Variants in VTI1A observed in about 807,000 individuals in gnomAD.
VTI1A encodes the protein vesicle transport through interaction with t-SNAREs 1A.
In VTI1A, 22 loss-of-function variants were observed where a neutral mutation model predicts 34.9. The ratio of observed to expected loss-of-function variants is 0.63; its 90% CI spans 0.45 to 0.90. The LOEUF (loss-of-function observed/expected upper bound fraction) is 0.90, where lower values mean the gene tolerates loss of function less well. Ranked by LOEUF, VTI1A falls within the 40% of genes least tolerant of loss-of-function variation. The pLI, the probability that VTI1A is intolerant of heterozygous loss-of-function variation, is 0.00. For missense variants in VTI1A, 268 were observed against 275.6 expected, an observed-to-expected ratio of 0.97 and a Z score of 0.20; for synonymous variants, 87 against 97.3, an observed-to-expected ratio of 0.89 and a Z score of 0.62.
At chr10:112,769,000 G>T (rs1469360224) in intron 7 of VTI1A, among the ~76,000 whole-genome samples, 2 of 151,758 alleles carry the variant, frequency 1.3e-5, no homozygotes, top group Non-Finnish European at 2.9e-5. Flanking sequence ...AAGTTTTTTT[G>T]GTTTTGTTTT....
At chr10:112,498,107 A>G (rs756089676) in intron 3 of VTI1A, among the ~76,000 whole-genome samples, 3 of 152,178 alleles carry the variant, frequency 2.0e-5, no homozygotes, top group South Asian at 2.1e-4. Context: ...TATGTCCTAC[A>G]TATAAATGCT....
intron 5 of VTI1A, among the ~76,000 whole-genome samples, chr10:112,561,705 A>C (rs1851730363): frequency 6.6e-6 from 1 of 152,176 alleles, no homozygotes; most frequent in Admixed American, 6.5e-5. Context: ...AAATTCTAGA[A>C]TAATATAGGA....
chr10:112,516,320 A>G (rs1469018244), intron 3 of VTI1A, among the ~76,000 whole-genome samples: 2 of 152,090 alleles, frequency 1.3e-5, no homozygotes, highest in Admixed American at 6.6e-5. Flanking sequence ...ATATGCCTAT[A>G]TTTGAAATTA....
intron 5 of VTI1A, among the ~76,000 whole-genome samples, chr10:112,604,811 C>A (rs1845013416): frequency 6.6e-6 from 1 of 152,114 alleles, no homozygotes; most frequent in South Asian, 2.1e-4. Flanking sequence ...AGGCACATTT[C>A]TTGGTGTACA....
Position 112,546,015 on chromosome 10 carries a change from T to TATATACGTGTATACGCGTATGTGTGTGC in VTI1A, c.427+7712_427+7713insCATATACGTGTATACGCGTATGTGTGTG, listed in dbSNP as rs1851084811. ...ATACGTGTATACGCGTATGTGTGTG[T>TATATACGTGTATACGCGTATGTGTGTGC]ATATACGTGTATACGCGTATGTGTG... On this transcript the variant is annotated intron_variant, in intron 5 of 7. Transcript: ENST00000393077. Among the ~76,000 whole-genome samples the TATATACGTGTATACGCGTATGTGTGTGC allele has an allele frequency of 2.9e-5, 4 of 135,612 alleles. No individual in the cohort carries two copies. In the South Asian group the frequency reaches 6.9e-4, roughly 23 times the overall value. The allele number at this position is 135,612 out of a possible 152,430, so 89.0% of individuals were successfully genotyped here.
intron 7 of VTI1A, among the ~76,000 whole-genome samples, chr10:112,701,670 T>C (rs182335171): frequency 6.6e-6 from 1 of 152,322 alleles, no homozygotes; most frequent in East Asian, 1.9e-4. Context: ...GAAGTGAGAT[T>C]ATACTTGATT....
At chr10:112,457,248 G>A (rs940184722) in intron 1 of VTI1A, among the ~76,000 whole-genome samples, 4 of 152,188 alleles carry the variant, frequency 2.6e-5, no homozygotes, top group African/African-American at 4.8e-5. Context: ...GGGAGAGGGG[G>A]CAGGGAGACC....
At chr10:112,671,454 A>G (rs1847842179) in intron 7 of VTI1A, among the ~76,000 whole-genome samples, 1 of 152,224 alleles carries the variant, frequency 6.6e-6, no homozygotes, top group Non-Finnish European at 1.5e-5. Flanking sequence ...TTATTTTCAT[A>G]TGATAAATTC....
At chr10:112,811,931 T>G (rs933575514) in intron 7 of VTI1A, among the ~76,000 whole-genome samples, 1 of 152,192 alleles carries the variant, frequency 6.6e-6, no homozygotes, top group Admixed American at 6.5e-5. Context: ...AATGGAAAGA[T>G]TAACCGCTCC....
intron 3 of VTI1A, among the ~76,000 whole-genome samples, chr10:112,466,699 G>A (rs1847906914): frequency 6.6e-6 from 1 of 152,092 alleles, no homozygotes; most frequent in African/African-American, 2.4e-5. Flanking sequence ...CATTTTTAAT[G>A]GAACTCTTTT....
chr10:112,630,575 A>C (rs976695396), intron 5 of VTI1A, among the ~76,000 whole-genome samples: 10 of 152,302 alleles, frequency 6.6e-5, no homozygotes, highest in African/African-American at 2.4e-4. Flanking sequence ...ATTGGCTATA[A>C]CTGTATAGTA....
At chr10:112,813,195 T>G (rs1281297824) in intron 7 of VTI1A, among the ~76,000 whole-genome samples, 2 of 152,116 alleles carry the variant, frequency 1.3e-5, no homozygotes, top group African/African-American at 4.8e-5. Flanking sequence ...TGAAGCCCAA[T>G]TAGGAAGGTT....
intron 4 of VTI1A, chr10:112,527,541 A>C (rs1248302418): frequency 6.5e-6 from 1 of 154,258 alleles, no homozygotes; most frequent in Admixed American, 6.5e-5. Context: ...AATTAAATCA[A>C]CACTTGCAGC....
rs118185881 is a variant in VTI1A, at chr10:112,779,542, G to A, written c.561-35748G>A. Among the ~76,000 whole-genome samples the A allele has an allele frequency of 3.3e-4, 50 of 152,258 alleles. No individual in the cohort carries two copies. In the East Asian group the frequency reaches 7.5e-3, roughly 23 times the overall value. On this transcript the variant is annotated intron_variant, in intron 7 of 7. Transcript: ENST00000393077. ...ATATACTCATGCCAAAGGTGTAGGC[G>A]CTGGGCTTATGTTCAGCTATTTCAG...
rs1178347925 is a variant in VTI1A at position 112,816,795 on chromosome 10, T to C, written c.*1412T>C. 4 of 229,030 alleles carry C rather than the reference T, an allele frequency of 1.7e-5. No individual in the cohort carries two copies. The highest frequency in any genetic ancestry group is 3.5e-5 in the Non-Finnish European group (4 of 115,454). The allele number at this position is 229,030 out of a possible 1,614,324, so 14.2% of individuals were successfully genotyped here. A position where few individuals can be genotyped will look rare whatever the true frequency, so the allele number is the denominator to read the frequency against. On this transcript the variant is annotated 3_prime_UTR_variant, in exon 8 of 8. Transcript: ENST00000393077. The stretch of plus-strand genomic sequence containing the variant: ...CCTGTGCCCGTGGATCAATATCACC[T>C]GGATGTAGTGCTTGATATTTTTCCC...
intron 5 of VTI1A, among the ~76,000 whole-genome samples, chr10:112,591,579 TTTAA>T (rs1454329520): frequency 1.3e-5 from 2 of 152,154 alleles, no homozygotes; most frequent in African/African-American, 4.8e-5. Flanking sequence ...TTGTGTACTG[TTTAA>T]TTGTTTTATA....
At chr10:112,569,997 C>T (rs997806416) in intron 5 of VTI1A, among the ~76,000 whole-genome samples, 1 of 152,156 alleles carries the variant, frequency 6.6e-6, no homozygotes, top group Non-Finnish European at 1.5e-5. Context: ...TTCAGTACCA[C>T]CAATTCCCTG....
chr10:112,815,165 A>C (rs1853476935), intron 7 of VTI1A, 125 bp from the exon 8 acceptor site: 1 of 550,200 alleles, frequency 1.8e-6, no homozygotes, highest in South Asian at 1.6e-5. Context: ...ACACACACAC[A>C]CACACACGCT....
At chr10:112,496,399 A>C (rs1213231698) in intron 3 of VTI1A, among the ~76,000 whole-genome samples, 1 of 151,868 alleles carries the variant, frequency 6.6e-6, no homozygotes, top group Admixed American at 6.6e-5. Flanking sequence ...GTGAAACTCT[A>C]TCTCTACTAA....
Sources: allele counts gnomAD v4.1 joint callset (sites outside exome capture counted in the v4.1 genomes callset), GRCh38; gene constraint gnomAD v4.1.1; transcripts MANE v1.5; gene names NCBI Gene and HGNC (gene_info 2026-07-23, HGNC 2026-07-21).